Variants in EPAS1 observed in about 807,000 individuals in gnomAD.
EPAS1 encodes the protein endothelial PAS domain-containing protein 1.
In EPAS1, 23 loss-of-function variants were observed where a neutral mutation model predicts 87.9. That is an observed-to-expected ratio of 0.26 (90% CI 0.19 to 0.37). The LOEUF is 0.37. EPAS1 is among the 10% of genes least tolerant of loss of function. The pLI, the probability that EPAS1 is intolerant of heterozygous loss-of-function variation, is 1.00. For synonymous variants in EPAS1, 508 were observed against 444.3 expected (o/e 1.14, Z -1.80); for missense variants, 1,138 against 1,120.7 (o/e 1.02, Z -0.22).
At chr2:46,344,713 A>C (rs1195617455) in intron 1 of EPAS1, among the ~76,000 whole-genome samples, 1 of 152,198 alleles carries the variant, frequency 6.6e-6, no homozygotes, top group Non-Finnish European at 1.5e-5. Flanking sequence ...GTTGGAAGTC[A>C]GGGAGAGAGG....
rs999859536 is a variant in EPAS1, at chr2:46,380,493, C to T, written c.1821C>T (p.Ile607=). ...TEPEHRPMSS[I]FFDAGSKASL... ...CCGAGCACCGGCCCATGTCCTCCAT[C>T]TTCTTTGATGCCGGAAGCAAAGCAT... The change falls in exon 12 of 16, where the codon ATC becomes ATT. Residue 607 remains isoleucine, a synonymous_variant. Coordinates refer to ENST00000263734, the MANE Select transcript of EPAS1 (RefSeq NM_001430.5). The surrounding 1 kb of genome is among the most constrained non-coding windows in gnomAD (Gnocchi z 4.4). 6.2e-7 allele frequency: 1 copy of T among 1,614,102 alleles called. No individual in the cohort carries two copies. Among genetic ancestry groups the T allele is most frequent in the African/African-American group, 1.3e-5 (1 of 74,928 alleles).
chr2:46,382,073 C>A lies in EPAS1; in HGVS notation c.2271C>A (p.Ser757Arg). The change falls in exon 14 of 16, where the codon AGC becomes AGA. Residue 757 changes from serine to arginine, a missense_variant. By Grantham distance (110) the Ser-to-Arg change is moderately radical. This residue lies in a region of EPAS1 where 502 missense variants were observed against 427.1 expected (regional missense o/e 1.18). Transcript: ENST00000263734. ...CTTTGATGCCGGACAAGCCACTGAG[C>A]GCAAATGTACCCAATGGTGAGCAGC... ...SCPLMPDKPL[S>R]ANVPNDKFTQ... 6.2e-7 allele frequency: 1 copy of A among 1,613,938 alleles called. No homozygotes were observed. Among genetic ancestry groups the A allele is most frequent in the Non-Finnish European group, 8.5e-7 (1 of 1,179,988 alleles).
chr2:46,300,470 TAA>T lies in EPAS1; in HGVS notation c.26+2535_26+2536del, dbSNP rs968074158. 6.6e-6 allele frequency among the ~76,000 whole-genome samples: 1 copy of T among 152,234 alleles called. No individual in the cohort carries two copies. Among genetic ancestry groups the T allele is most frequent in the African/African-American group, 2.4e-5 (1 of 41,460 alleles). ...CGATAAATATGTTAATGTTTAATAA[TAA>T]AGAGTTTGCTTTCTAAATGTTAGTT... On this transcript the variant is annotated intron_variant, in intron 1 of 15. Coordinates refer to ENST00000263734, the MANE Select transcript of EPAS1 (RefSeq NM_001430.5). The surrounding 1 kb of genome is among the most constrained non-coding windows in gnomAD (Gnocchi z 4.1).
At chr2:46,342,261 G>A (rs111383206) in intron 1 of EPAS1, among the ~76,000 whole-genome samples, 1 of 152,160 alleles carries the variant, frequency 6.6e-6, no homozygotes. Context: ...TCTGGAACCT[G>A]GAGCTGGGTG....
In EPAS1 at chr2:46,346,774, G is replaced by A; in HGVS notation, c.27-99G>A. ...GCCCAGATCAGTCTAGTAAGGGAGT[G>A]TGGCTGCACTGGGGGTTGGGGCCAT... is the stretch of plus-strand genomic sequence containing the variant. On this transcript the variant is annotated intron_variant, in intron 1 of 15. Coordinates refer to ENST00000263734, the MANE Select transcript of EPAS1 (RefSeq NM_001430.5). The surrounding 1 kb of genome is among the most constrained non-coding windows in gnomAD (Gnocchi z 4.0). 6.4e-6 allele frequency: 8 copies of A among 1,254,758 alleles called. No homozygotes were observed. Among genetic ancestry groups the A allele is most frequent in the Non-Finnish European group, 8.0e-6 (7 of 875,882 alleles). The allele number at this position is 1,254,758 out of a possible 1,614,324, so 77.7% of individuals were successfully genotyped here.
intron 1 of EPAS1, among the ~76,000 whole-genome samples, chr2:46,303,681 T>C (rs1312890454): frequency 6.6e-6 from 1 of 152,160 alleles, no homozygotes; most frequent in African/African-American, 2.4e-5. Context: ...AGACATTATG[T>C]ATAGAAGCAA....
intron 1 of EPAS1, among the ~76,000 whole-genome samples, chr2:46,304,274 C>T (rs180759745): frequency 6.6e-6 from 1 of 152,250 alleles, no homozygotes; most frequent in Non-Finnish European, 1.5e-5. Context: ...ATTATCCCCA[C>T]TTCATTGATG....
chr2:46,363,802 C>G (rs755657631), intron 6 of EPAS1, among the ~76,000 whole-genome samples: 10 of 152,144 alleles, frequency 6.6e-5, no homozygotes, highest in Non-Finnish European at 1.2e-4. Flanking sequence ...TTTCAAGAAA[C>G]CTAATTACAT....
At chr2:46,327,950 C>G (rs550729861) in intron 1 of EPAS1, among the ~76,000 whole-genome samples, 2 of 152,332 alleles carry the variant, frequency 1.3e-5, no homozygotes, top group East Asian at 3.9e-4. Context: ...GAATTCTCTG[C>G]TCCCAAATGT....
chr2:46,345,859 T>C (rs1253533283), intron 1 of EPAS1, among the ~76,000 whole-genome samples: 1 of 152,204 alleles, frequency 6.6e-6, no homozygotes, highest in Non-Finnish European at 1.5e-5. Flanking sequence ...TAGCTAACAT[T>C]GATTGCTTAC....
intron 1 of EPAS1, among the ~76,000 whole-genome samples, chr2:46,304,018 T>TA (rs1196132366): frequency 6.6e-6 from 1 of 152,244 alleles, no homozygotes; most frequent in Non-Finnish European, 1.5e-5. Context: ...ACAGGGTAAA[T>TA]ACTGGTATGA....
intron 1 of EPAS1, among the ~76,000 whole-genome samples, chr2:46,341,313 T>G (rs1683908566): frequency 6.6e-6 from 1 of 152,186 alleles, no homozygotes; most frequent in South Asian, 2.1e-4. Context: ...GTGGGTAAAC[T>G]GGATAATATT....
intron 1 of EPAS1, among the ~76,000 whole-genome samples, chr2:46,326,329 G>C (rs555134938): frequency 7.3e-6 from 1 of 137,728 alleles, no homozygotes; most frequent in Admixed American, 6.9e-5. Context: ...AGTGGCTTAA[G>C]TATGGGCGCC....
At chr2:46,376,821 CAG>C in intron 9 of EPAS1, 68 bp downstream of exon 9, 1 of 1,528,660 alleles carries the variant, frequency 6.5e-7, no homozygotes, top group Non-Finnish European at 9.0e-7. Flanking sequence ...CTTACTATAA[CAG>C]GCCTCCCTGG....
chr2:46,380,608 C>A lies in EPAS1; in HGVS notation c.1936C>A (p.His646Asn). Reference sequence around the variant, plus strand: ...CCAGTGGCCCCCAGATCCACCATTACATTTTGGGCCCACAAAGTGGGCCGT... The same window carrying A: ...CCAGTGGCCCCCAGATCCACCATTAAATTTTGGGCCCACAAAGTGGGCCGT... ...NTQWPPDPPL[H>N]FGPTKWAVGD... is the part of the protein sequence containing the mutation. The change falls in exon 12 of 16, where the codon CAT becomes AAT. Residue 646 changes from histidine to asparagine, a missense_variant. His to Asn is a moderately conservative substitution (Grantham distance 68, BLOSUM62 1). Around this residue, in one of 4 missense-constraint regions of EPAS1, gnomAD observed 502 missense variants for 427.1 expected, o/e 1.18. Coordinates refer to ENST00000263734, the MANE Select transcript of EPAS1 (RefSeq NM_001430.5). This position sits in a 1 kb window ranked among gnomAD's most constrained non-coding sequence, Gnocchi z 4.4. 6.2e-7 allele frequency: 1 copy of A among 1,614,120 alleles called. No homozygotes were observed.
chr2:46,320,331 G>C (rs1683429332), intron 1 of EPAS1, among the ~76,000 whole-genome samples: 1 of 152,194 alleles, frequency 6.6e-6, no homozygotes, highest in Non-Finnish European at 1.5e-5. Flanking sequence ...AGTGCAAAGG[G>C]ACAGTAAGAC....
Position 46,380,460 on chromosome 2 carries a change from G to A in EPAS1, c.1788G>A (p.Lys596=), listed in dbSNP as rs1684860969. The change falls in exon 12 of 16, where the codon AAG becomes AAA. Residue 596 remains lysine (K), a synonymous_variant. Coordinates refer to ENST00000263734, the MANE Select transcript of EPAS1 (RefSeq NM_001430.5). The surrounding 1 kb of genome is among the most constrained non-coding windows in gnomAD (Gnocchi z 4.4). ...TTCAGCAGCAGCTGGAGAGCAAGAAGACAGAGCCCGAGCACCGGCCCATGT... is the reference window on the plus strand; with the variant it reads ...TTCAGCAGCAGCTGGAGAGCAAGAAAACAGAGCCCGAGCACCGGCCCATGT... ...DKFQQQLESK[K]TEPEHRPMSS... 1 of 1,614,144 alleles carries A rather than the reference G, an allele frequency of 6.2e-7. No homozygotes were observed. The highest frequency in any genetic ancestry group is 1.3e-5 in the African/African-American group (1 of 75,046).
intron 6 of EPAS1, 42 bp downstream of exon 6, chr2:46,361,132 C>G (rs769311057): frequency 3.8e-6 from 6 of 1,598,948 alleles, no homozygotes; most frequent in Non-Finnish European, 5.1e-6. Context: ...AGAGATGGGT[C>G]TTACCTGTGT....
chr2:46,331,184 G>T (rs555899637), intron 1 of EPAS1, among the ~76,000 whole-genome samples: 2 of 152,340 alleles, frequency 1.3e-5, no homozygotes, highest in Non-Finnish European at 2.9e-5. Context: ...TCAAGCCCGG[G>T]CAGTCCTGCT....
Sources: allele counts gnomAD v4.1 joint callset (sites outside exome capture counted in the v4.1 genomes callset), GRCh38; gene constraint gnomAD v4.1.1; regional missense constraint gnomAD v4.1.1; non-coding constraint Gnocchi (gnomAD v3.1); transcripts MANE v1.5; gene names NCBI Gene and HGNC (gene_info 2026-07-23, HGNC 2026-07-21).